GNAS: variants seen among roughly 807,000 people sequenced by gnomAD.
The protein encoded by GNAS is GNAS complex locus.
In GNAS, 8 loss-of-function variants were observed where a neutral mutation model predicts 54.5. The observed-to-expected ratio is 0.15, with a 90% CI of 0.09 to 0.26. The LOEUF is 0.26. Among genes scored for constraint, GNAS ranks in the 10% least tolerant of loss-of-function variants. GNAS has a pLI of 1.00. For synonymous variants in GNAS, 204 were observed against 191.4 expected (o/e 1.07, Z -0.54); for missense variants, 170 against 529.8 (o/e 0.32, Z 6.67).
At chr20:58,878,439 G>A (rs758563439) in intron 1 of GNAS, among the ~76,000 whole-genome samples, 6 of 152,170 alleles carry the variant, frequency 3.9e-5, no homozygotes, top group East Asian at 1.9e-4. Flanking sequence ...GGTGAATTAC[G>A]GACATTTACA....
intron 1 of GNAS, among the ~76,000 whole-genome samples, chr20:58,860,088 A>G (rs2086705965): frequency 6.6e-6 from 1 of 152,262 alleles, no homozygotes; most frequent in African/African-American, 2.4e-5. Flanking sequence ...TTGCCAAATG[A>G]CACGTGTCGA....
At chr20:58,865,796 C>T (rs1316021531) in intron 1 of GNAS, among the ~76,000 whole-genome samples, 1 of 151,974 alleles carries the variant, frequency 6.6e-6, no homozygotes, top group Admixed American at 6.6e-5. Flanking sequence ...ATGACCCTAA[C>T]TAGAATAGAA....
At chr20:58,871,639 A>C (rs1236419435) in intron 1 of GNAS, among the ~76,000 whole-genome samples, 1 of 149,508 alleles carries the variant, frequency 6.7e-6, no homozygotes, top group African/African-American at 2.4e-5. Flanking sequence ...ACAAACAACA[A>C]AAAAAAAACC....
At chr20:58,871,212 C>T (rs1022103550) in intron 1 of GNAS, among the ~76,000 whole-genome samples, 14 of 152,084 alleles carry the variant, frequency 9.2e-5, no homozygotes, top group African/African-American at 3.1e-4. Context: ...TCCTTGTGAA[C>T]GACTCAGAAA....
chr20:58,889,587 C>G (rs2088920471), upstream of GNAS: 1 of 152,346 alleles, frequency 6.6e-6, no homozygotes, highest in Admixed American at 6.6e-5. Flanking sequence ...TTGCACTTTT[C>G]TTTTTGAGTT....
intron 1 of GNAS, among the ~76,000 whole-genome samples, chr20:58,858,509 C>T (rs534248424): frequency 6.6e-5 from 10 of 152,260 alleles, no homozygotes; most frequent in South Asian, 2.1e-4. Flanking sequence ...GTTTCTGTTA[C>T]GTTTTTAAAT....
At chr20:58,883,543 T>C (rs1181092725) in intron 1 of GNAS, among the ~76,000 whole-genome samples, 1 of 152,150 alleles carries the variant, frequency 6.6e-6, no homozygotes, top group African/African-American at 2.4e-5. Flanking sequence ...TGAATAATTT[T>C]CCCCTTCTCA....
rs777273258 is a variant in GNAS at position 58,910,662 on chromosome 20, TCC to T, written c.1039-18_1039-17del. 2 of 1,613,866 alleles carry T rather than the reference TCC, an allele frequency of 1.2e-6. No homozygotes were observed. Among genetic ancestry groups the T allele is most frequent in the South Asian group, 1.1e-5 (1 of 91,062 alleles). ...TCCTGGCGAGGGTGTCACTGACAAG[TCC>T]CCTTGTTTGTGCCCGCAGAGGATCA... On this transcript the variant is annotated intron_variant, in intron 12 of 12. Transcript: ENST00000371085. This position sits in a 1 kb window ranked among gnomAD's most constrained non-coding sequence, Gnocchi z 5.8.
chr20:58,848,802 C>A, intron 1 of GNAS: 2 of 398,188 alleles, frequency 5.0e-6, no homozygotes, highest in South Asian at 2.6e-4. Context: ...ACAGGTGGGT[C>A]AACTCCTCGA....
In GNAS at chr20:58,910,948, C is replaced by A. The variant is rs970691355; in HGVS notation, c.*119C>A. 1 of 1,022,704 alleles carries A rather than the reference C, an allele frequency of 9.8e-7. No homozygotes were observed. Among genetic ancestry groups the A allele is most frequent in the African/African-American group, 1.6e-5 (1 of 63,878 alleles). 63.4% of individuals were successfully genotyped at this position (1,022,704 alleles called of 1,614,324 possible). A position where few individuals can be genotyped will look rare whatever the true frequency, so the allele number is the denominator to read the frequency against. On this transcript the variant is annotated 3_prime_UTR_variant, in exon 13 of 13. Coordinates refer to ENST00000371085, the MANE Select transcript of GNAS (RefSeq NM_000516.7). This position sits in a 1 kb window ranked among gnomAD's most constrained non-coding sequence, Gnocchi z 5.8. Reference sequence around the variant, plus strand: ...TGATTAACAAAGCAACCTTTCCCTTCCCCCGAGTGATTTTGCGAAACCCCC... The same window carrying A: ...TGATTAACAAAGCAACCTTTCCCTTACCCCGAGTGATTTTGCGAAACCCCC...
chr20:58,890,749 C>G (rs2089135569), upstream of GNAS: 1 of 152,150 alleles, frequency 6.6e-6, no homozygotes, highest in Non-Finnish European at 1.5e-5. Flanking sequence ...TCAGACCCCC[C>G]ACCCCGCCAC....
chr20:58,846,511 T>A (rs544980382), intron 1 of GNAS, among the ~76,000 whole-genome samples: 2 of 152,152 alleles, frequency 1.3e-5, no homozygotes, highest in African/African-American at 4.8e-5. Flanking sequence ...ATTGCTACAC[T>A]CAAAGAGAAA....
In GNAS at chr20:58,853,982, C is replaced by G. The variant is rs924532167; in HGVS notation, c.43+13096C>G. 1 of 1,612,194 alleles carries G rather than the reference C, an allele frequency of 6.2e-7. No individual in the cohort carries two copies. Among genetic ancestry groups the G allele is most frequent in the Non-Finnish European group, 8.5e-7 (1 of 1,179,766 alleles). ...AAGGATTTGGGGACGACAGCCCACCCCCGGGGCTTTCCCGAGTTATCGCAC... is the reference window on the plus strand; with the variant it reads ...AAGGATTTGGGGACGACAGCCCACCGCCGGGGCTTTCCCGAGTTATCGCAC... On this transcript the variant is annotated intron_variant, in intron 1 of 12. Transcript: ENST00000306090. This position sits in a 1 kb window ranked among gnomAD's most constrained non-coding sequence, Gnocchi z 4.4.
upstream of GNAS, among the ~76,000 whole-genome samples, chr20:58,887,372 A>T (rs557265559): frequency 5.3e-5 from 8 of 152,356 alleles, no homozygotes; most frequent in African/African-American, 1.9e-4. Context: ...AATCAAATTC[A>T]GCCAGGAATT....
chr20:58,845,005 T>C (rs998558737), intron 1 of GNAS, among the ~76,000 whole-genome samples: 5 of 149,990 alleles, frequency 3.3e-5, no homozygotes, highest in Admixed American at 2.0e-4. Context: ...CACTTAGCCA[T>C]CCTGAGAGTC....
At chr20:58,869,455 A>G (rs1423136400) in intron 1 of GNAS, among the ~76,000 whole-genome samples, 1 of 152,206 alleles carries the variant, frequency 6.6e-6, no homozygotes, top group East Asian at 1.9e-4. Context: ...TTGTGGGAGC[A>G]GAGTTTGGTG....
intron 2 of GNAS, among the ~76,000 whole-genome samples, chr20:58,896,158 G>A (rs2090030228): frequency 6.6e-6 from 1 of 152,110 alleles, no homozygotes; most frequent in Admixed American, 6.5e-5. Flanking sequence ...AACTATTAGG[G>A]AAACATTGTT....
intron 1 of GNAS, 117 bp downstream of exon 1, chr20:58,891,982 G>C (rs1195596185): frequency 1.2e-4 from 90 of 761,634 alleles, no homozygotes; most frequent in Non-Finnish European, 1.4e-4. Flanking sequence ...CCCCCCGCCC[G>C]TTCGCGGGCT....
chr20:58,855,649 G>A (rs1270964705), intron 1 of GNAS: 2 of 706,636 alleles, frequency 2.8e-6, no homozygotes, highest in South Asian at 1.5e-5. Context: ...CTTCAGGTGA[G>A]CCAGGAACTG....
Sources: gnomAD v4.1 joint callset for allele counts (sites outside exome capture counted in the v4.1 genomes callset) on GRCh38, gnomAD v4.1.1 for gene constraint, Gnocchi (gnomAD v3.1) non-coding constraint, MANE v1.5 for transcripts, NCBI Gene and HGNC (gene_info 2026-07-23, HGNC 2026-07-21) for gene names.